Variants in SCN9A observed in about 807,000 individuals in gnomAD.
SCN9A encodes the protein sodium voltage-gated channel alpha subunit 9.
Under a neutral mutation model 187.0 loss-of-function variants are expected in SCN9A, and 131 were observed. The ratio of observed to expected loss-of-function variants is 0.70; its 90% CI spans 0.61 to 0.81. The LOEUF (loss-of-function observed/expected upper bound fraction) is 0.81. Ranked by LOEUF, SCN9A falls within the 30% of genes least tolerant of loss-of-function variation. SCN9A has a pLI of 0.00. For synonymous variants in SCN9A, 809 were observed against 808.6 expected, an observed-to-expected ratio of 1.00 and a Z score of -0.01; for missense variants, 2,252 against 2,396.6, an observed-to-expected ratio of 0.94 and a Z score of 1.26.
intron 12 of SCN9A, 74 bp from the exon 13 acceptor site, chr2:166,281,882 A>G: frequency 7.5e-7 from 1 of 1,335,776 alleles, no homozygotes; most frequent in Non-Finnish European, 1.0e-6. Flanking sequence ...AATCTTGCTT[A>G]TATAGCTGTA....
At chr2:166,255,363 A>G (rs541717166) in intron 17 of SCN9A, among the ~76,000 whole-genome samples, 5 of 151,662 alleles carry the variant, frequency 3.3e-5, no homozygotes, top group African/African-American at 1.2e-4. Context: ...TGTGTTAAAT[A>G]TATGTATCAT....
intron 10 of SCN9A, 33 bp from the exon 11 acceptor site, chr2:166,286,656 G>A (rs750704567): frequency 2.7e-6 from 4 of 1,466,338 alleles, no homozygotes; most frequent in South Asian, 1.5e-5. Flanking sequence ...ACTTAAATGA[G>A]TCATTTCCAA....
intron 15 of SCN9A, 43 bp downstream of exon 15, chr2:166,278,097 C>T (rs200006057): frequency 6.8e-7 from 1 of 1,468,586 alleles, no homozygotes; most frequent in Non-Finnish European, 9.2e-7. Flanking sequence ...AAAGAAATAC[C>T]CCTTTATTAT....
rs1376329886 is a variant in SCN9A, at chr2:166,197,542, A to C, written c.*1130T>G. The C allele has an allele frequency of 6.7e-6, 1 of 149,682 alleles. No homozygotes were observed. The highest frequency in any genetic ancestry group is 1.5e-5 in the Non-Finnish European group (1 of 67,332). The allele number at this position is 149,682 out of a possible 1,614,324, so 9.3% of individuals were successfully genotyped here. A position where few individuals can be genotyped will look rare whatever the true frequency, so the allele number is the denominator to read the frequency against. On this transcript the variant is annotated 3_prime_UTR_variant, in exon 27 of 27. Transcript: ENST00000642356. ...CAATGCTTTTTTATTCATACTAAAC[A>C]CATATCTGTGTAAAGTCTGTCATAT...
chr2:166,207,303 C>T (rs1327178372), intron 24 of SCN9A, among the ~76,000 whole-genome samples: 1 of 151,862 alleles, frequency 6.6e-6, no homozygotes, highest in Non-Finnish European at 1.5e-5. Context: ...TAATATTCAG[C>T]TTCCTCTTAT....
intron 24 of SCN9A, among the ~76,000 whole-genome samples, chr2:166,222,484 T>C (rs1694630201): frequency 6.6e-6 from 1 of 150,670 alleles, no homozygotes; most frequent in South Asian, 2.1e-4. Flanking sequence ...AAAAATTAGC[T>C]GGGCATGGTG....
chr2:166,364,195 G>A (rs950147439), intron 1 of SCN9A, among the ~76,000 whole-genome samples: 1 of 151,818 alleles, frequency 6.6e-6, no homozygotes, highest in Non-Finnish European at 1.5e-5. Context: ...ATTGACAAGG[G>A]TGTGGAGAAA....
intron 1 of SCN9A, among the ~76,000 whole-genome samples, chr2:166,328,448 T>C (rs1699419522): frequency 1.3e-5 from 2 of 152,102 alleles, no homozygotes; most frequent in Admixed American, 6.6e-5. Flanking sequence ...TGTGTGTTTT[T>C]CCCCTCTATG....
intron 17 of SCN9A, among the ~76,000 whole-genome samples, chr2:166,270,577 TTTTA>T (rs1444167786): frequency 6.6e-6 from 1 of 151,952 alleles, no homozygotes; most frequent in African/African-American, 2.4e-5. Context: ...GAGCATTTTA[TTTTA>T]TTTTGTTTTA....
chr2:166,328,391 T>C (rs954196625), intron 1 of SCN9A, among the ~76,000 whole-genome samples: 1 of 152,160 alleles, frequency 6.6e-6, no homozygotes, highest in Non-Finnish European at 1.5e-5. Flanking sequence ...TTATTTTTCC[T>C]GATCTTCTGC....
chr2:166,341,665 G>A (rs1238414490), intron 1 of SCN9A, among the ~76,000 whole-genome samples: 1 of 152,084 alleles, frequency 6.6e-6, no homozygotes, highest in Non-Finnish European at 1.5e-5. Flanking sequence ...GTTGCTGTGG[G>A]AAAAAATGAA....
rs150885548 is a variant in SCN9A, at chr2:166,362,527, G to T, written c.-51+13170C>A. Reference sequence around the variant, plus strand: ...GGGGCAGAATTTTCAGAACCTCACAGATATAAATAGGATTGGAGTCATGAA... The same window carrying T: ...GGGGCAGAATTTTCAGAACCTCACATATATAAATAGGATTGGAGTCATGAA... On this transcript the variant is annotated intron_variant, in intron 1 of 26. Coordinates refer to ENST00000642356, the MANE Select transcript of SCN9A (RefSeq NM_001365536.1). Among the ~76,000 whole-genome samples, 254 of 152,028 alleles carry T rather than the reference G, an allele frequency of 1.7e-3. 3 individuals are homozygous for T. Among genetic ancestry groups the T allele is most frequent in the Admixed American group, 0.013 (201 of 15,276 alleles).
intron 24 of SCN9A, among the ~76,000 whole-genome samples, chr2:166,219,982 C>T (rs1048295993): frequency 1.3e-5 from 2 of 152,068 alleles, no homozygotes; most frequent in Admixed American, 1.3e-4. Flanking sequence ...AAACATACTA[C>T]AGAACAAGAT....
chr2:166,265,213 C>T (rs566241848), intron 17 of SCN9A, among the ~76,000 whole-genome samples: 10 of 152,082 alleles, frequency 6.6e-5, no homozygotes, highest in Admixed American at 4.6e-4. Context: ...CCCCACACCT[C>T]GCTCCTCCAA....
chr2:166,219,138 C>T (rs978451617), intron 24 of SCN9A, among the ~76,000 whole-genome samples: 1 of 152,116 alleles, frequency 6.6e-6, no homozygotes, highest in Non-Finnish European at 1.5e-5. Flanking sequence ...ATTAATTCAA[C>T]CATAATGGAA....
Position 166,204,099 on chromosome 2 carries a change from T to A in SCN9A, c.4630A>T (p.Thr1544Ser). ...ACATTTATCCAATATAAAACTTCAG[T>A]CATATGTTGACTTTGACCCTCCTTT... is the stretch of plus-strand genomic sequence containing the variant. ...VEKEGQSQHM[T>S]EVLYWINVVF... The change falls in exon 26 of 27, where the codon ACT (threonine) becomes TCT (serine). Residue 1544 changes from threonine (T) to serine (S), a missense_variant. Around this residue, in one of 7 missense-constraint regions of SCN9A, gnomAD observed 368 missense variants for 408.6 expected, o/e 0.90. Transcript: ENST00000642356. 1 of 1,612,854 alleles carries A rather than the reference T, an allele frequency of 6.2e-7. No individual in the cohort carries two copies. Among genetic ancestry groups the A allele is most frequent in the Non-Finnish European group, 8.5e-7 (1 of 1,179,198 alleles).
At chr2:166,213,324 G>C (rs1431370353) in intron 24 of SCN9A, among the ~76,000 whole-genome samples, 1 of 151,412 alleles carries the variant, frequency 6.6e-6, no homozygotes, top group African/African-American at 2.4e-5. Flanking sequence ...GAATAAGAAG[G>C]ATCAAAGAGA....
At chr2:166,275,590 A>G (rs1697199329) in intron 16 of SCN9A, among the ~76,000 whole-genome samples, 1 of 130,188 alleles carries the variant, frequency 7.7e-6, no homozygotes, top group Non-Finnish European at 1.7e-5. Flanking sequence ...TCTCAAAAAA[A>G]AAAAAAATAC....
At chr2:166,340,582 C>CTT (rs1491456531) in intron 1 of SCN9A, among the ~76,000 whole-genome samples, 1 of 70,652 alleles carries the variant, frequency 1.4e-5, no homozygotes, top group Non-Finnish European at 2.6e-5. Context: ...TTCTTTCTTT[C>CTT]TTTCTTTCTT....
Sources: allele counts gnomAD v4.1 joint callset (sites outside exome capture counted in the v4.1 genomes callset), GRCh38; gene constraint gnomAD v4.1.1; regional missense constraint gnomAD v4.1.1; transcripts MANE v1.5; gene names NCBI Gene and HGNC (gene_info 2026-07-23, HGNC 2026-07-21).